PTPRQ: variants seen among roughly 807,000 people sequenced by gnomAD.
PTPRQ encodes phosphatidylinositol phosphatase PTPRQ.
A neutral mutation model predicts 246.0 loss-of-function variants in PTPRQ; 199 were observed. That is an observed-to-expected ratio of 0.81 (90% CI 0.72 to 0.91). PTPRQ has a LOEUF of 0.91. PTPRQ is among the 40% of genes least tolerant of loss of function. PTPRQ has a pLI of 0.00. For missense variants in PTPRQ, 2,624 were observed against 2,528.4 expected (o/e 1.04, Z -0.81); for synonymous variants, 869 against 853.2 (o/e 1.02, Z -0.32).
intron 7 of PTPRQ, among the ~76,000 whole-genome samples, chr12:80,469,079 G>A (rs1255133301): frequency 6.6e-6 from 1 of 152,136 alleles, no homozygotes; most frequent in East Asian, 1.9e-4. Context: ...TGAAAAACTA[G>A]AGATAACTCC....
At position 80,444,795 on chromosome 12, in the gene PTPRQ, A is replaced by G. The variant is rs1054061383; in HGVS notation, c.109A>G (p.Ile37Val). Reference sequence around the variant, plus strand: ...TAGGTACGATATAACCATCTCTTCAATTTCTACAACATACACCTCACCTGT... The same window carrying G: ...TAGGTACGATATAACCATCTCTTCAGTTTCTACAACATACACCTCACCTGT... ...GTRYDITISS[I>V]STTYTSPVTR... The change falls in exon 2 of 45, where the codon ATT (isoleucine) becomes GTT (valine). Residue 37 changes from isoleucine (I) to valine (V), a missense_variant. Transcript: ENST00000644991. The G allele has an allele frequency of 3.2e-6, 5 of 1,539,854 alleles. No individual in the cohort carries two copies. The highest frequency in any genetic ancestry group is 1.4e-5 in the African/African-American group (1 of 72,570).
chr12:80,469,843 T>C (rs1189701526), intron 7 of PTPRQ, among the ~76,000 whole-genome samples: 1 of 152,238 alleles, frequency 6.6e-6, no homozygotes, highest in African/African-American at 2.4e-5. Flanking sequence ...CTTTCATTTG[T>C]AAGGCTGGCT....
chr12:80,579,288 C>T (rs2120987490), intron 25 of PTPRQ, among the ~76,000 whole-genome samples: 1 of 152,266 alleles, frequency 6.6e-6, no homozygotes, highest in East Asian at 1.9e-4. Context: ...ACTTTCACTG[C>T]CTTTCAATAA....
At chr12:80,648,156 C>T (rs892763630) in intron 35 of PTPRQ, among the ~76,000 whole-genome samples, 17 of 151,530 alleles carry the variant, frequency 1.1e-4, no homozygotes, top group African/African-American at 3.9e-4. Flanking sequence ...TAGTAAAATC[C>T]CTAATATTAT....
At chr12:80,480,958 G>A (rs1894025677) in intron 8 of PTPRQ, among the ~76,000 whole-genome samples, 1 of 152,082 alleles carries the variant, frequency 6.6e-6, no homozygotes, top group South Asian at 2.1e-4. Flanking sequence ...AGGAGGAACT[G>A]GTACCATTCC....
intron 39 of PTPRQ, among the ~76,000 whole-genome samples, chr12:80,658,539 T>C (rs536413045): frequency 1.3e-5 from 2 of 152,168 alleles, no homozygotes; most frequent in African/African-American, 4.8e-5. Context: ...TCCACTTGGT[T>C]TGCAAATTCA....
chr12:80,607,742 A>T (rs1898381288), intron 27 of PTPRQ, among the ~76,000 whole-genome samples: 1 of 150,878 alleles, frequency 6.6e-6, no homozygotes, highest in African/African-American at 2.4e-5. Context: ...CTTAACTTTA[A>T]AAGTGTAAAC....
rs1417034869 is a variant in PTPRQ, at chr12:80,542,172, C to T, written c.3529C>T (p.Pro1177Ser). The change falls in exon 22 of 45, where the codon CCA becomes TCA. Residue 1177 changes from proline (P) to serine (S), a missense_variant. Coordinates refer to ENST00000644991, the MANE Select transcript of PTPRQ (RefSeq NM_001145026.2). Reference protein sequence around the residue: ...VLLSWDPPVKPNGAIISYDLT... With the variant: ...VLLSWDPPVKSNGAIISYDLT... ...CTTATCATGGGATCCCCCAGTAAAG[C>T]CAAATGGTGCAATAATAAGTTATGA... 1 of 1,550,980 alleles carries T rather than the reference C, an allele frequency of 6.4e-7. No homozygotes were observed. The highest frequency in any genetic ancestry group is 8.7e-7 in the Non-Finnish European group (1 of 1,146,624).
chr12:80,463,144 A>G (rs2120497340), intron 6 of PTPRQ, among the ~76,000 whole-genome samples: 1 of 152,370 alleles, frequency 6.6e-6, no homozygotes, highest in East Asian at 1.9e-4. Flanking sequence ...ATGTATAACT[A>G]GAATAACCAA....
intron 23 of PTPRQ, among the ~76,000 whole-genome samples, chr12:80,545,340 A>G (rs1896271776): frequency 6.6e-6 from 1 of 152,134 alleles, no homozygotes; most frequent in Admixed American, 6.6e-5. Flanking sequence ...ATTTCTAGAG[A>G]TTATTTTAAA....
chr12:80,490,630 G>A (rs1565741833), intron 9 of PTPRQ, among the ~76,000 whole-genome samples: 1 of 152,040 alleles, frequency 6.6e-6, no homozygotes, highest in African/African-American at 2.4e-5. Context: ...TGGGGGCCAG[G>A]GAAGCTGCTA....
At chr12:80,484,290 A>G (rs1652803008) in intron 8 of PTPRQ, 143 bp from the exon 9 acceptor site, 1 of 1,044,218 alleles carries the variant, frequency 9.6e-7, no homozygotes, top group East Asian at 2.7e-5. Context: ...TACAGCCATG[A>G]GCCACCGCAC....
chr12:80,598,087 T>C (rs1399915214), intron 26 of PTPRQ, among the ~76,000 whole-genome samples: 3 of 152,108 alleles, frequency 2.0e-5, no homozygotes, highest in South Asian at 2.1e-4. Flanking sequence ...AAGCATCAAA[T>C]AAGATGATCA....
chr12:80,482,208 A>C (rs979333602), intron 8 of PTPRQ, among the ~76,000 whole-genome samples: 1 of 149,920 alleles, frequency 6.7e-6, no homozygotes, highest in African/African-American at 2.4e-5. Context: ...CAGAGCCCTC[A>C]GAAATAACGC....
chr12:80,509,801 T>G (rs1442434453), intron 16 of PTPRQ, among the ~76,000 whole-genome samples: 2 of 152,000 alleles, frequency 1.3e-5, no homozygotes, highest in Non-Finnish European at 2.9e-5. Context: ...GTGAACAGAG[T>G]TTGATATTAT....
chr12:80,510,448 TA>T lies in PTPRQ; in HGVS notation c.2678+7del. On this transcript the variant is annotated splice_donor_region_variant and intron_variant, in intron 17 of 44. Coordinates refer to ENST00000644991, the MANE Select transcript of PTPRQ (RefSeq NM_001145026.2). ...TTATTACACAGTTTATGTCTGGTAA[TA>T]ATTTTTTTTTTGGAAATAGTTCTGA... 1.3e-6 allele frequency: 2 copies of T among 1,534,724 alleles called. No homozygotes were observed. Among genetic ancestry groups the T allele is most frequent in the South Asian group, 1.2e-5 (1 of 80,060 alleles).
chr12:80,529,758 A>T (rs1347488843), intron 17 of PTPRQ, among the ~76,000 whole-genome samples: 2 of 152,210 alleles, frequency 1.3e-5, no homozygotes, highest in East Asian at 3.8e-4. Flanking sequence ...GTTACCCATG[A>T]GTAAAGACAG....
intron 9 of PTPRQ, among the ~76,000 whole-genome samples, chr12:80,490,539 T>G (rs181961218): frequency 1.3e-5 from 2 of 152,074 alleles, no homozygotes; most frequent in African/African-American, 4.8e-5. Context: ...AACTCAATGG[T>G]GCTCAACCAG....
At chr12:80,657,447 T>G (rs1163017) in intron 38 of PTPRQ, among the ~76,000 whole-genome samples, 2,763 of 151,876 alleles carry the variant, frequency 0.018, 74 homozygotes, top group African/African-American at 0.064. Context: ...TTGGAATGCA[T>G]ATATATAAAA....
Sources: allele counts gnomAD v4.1 joint callset (sites outside exome capture counted in the v4.1 genomes callset), GRCh38; gene constraint gnomAD v4.1.1; transcripts MANE v1.5; gene names NCBI Gene and HGNC (gene_info 2026-07-23, HGNC 2026-07-21).